ARMC8: variants seen among roughly 807,000 people sequenced by gnomAD.
ARMC8 encodes the protein armadillo repeat-containing protein 8.
A neutral mutation model predicts 99.3 loss-of-function variants in ARMC8; 20 were observed. That is an observed-to-expected ratio of 0.20 (90% CI 0.14 to 0.29). The LOEUF (loss-of-function observed/expected upper bound fraction) is 0.29. Among genes scored for constraint, ARMC8 ranks in the 10% least tolerant of loss-of-function variants. ARMC8 has a pLI of 1.00. For synonymous variants in ARMC8, 263 were observed against 278.3 expected, an observed-to-expected ratio of 0.95 and a Z score of 0.55; for missense variants, 569 against 809.5, an observed-to-expected ratio of 0.70 and a Z score of 3.60.
chr3:138,243,703 A>G (rs1019415615), intron 11 of ARMC8, among the ~76,000 whole-genome samples: 5 of 152,166 alleles, frequency 3.3e-5, no homozygotes, highest in East Asian at 1.9e-4. Flanking sequence ...CCTACGTTAT[A>G]TTACCCAACT....
intron 6 of ARMC8, among the ~76,000 whole-genome samples, chr3:138,230,592 G>A (rs2108120263): frequency 1.3e-5 from 2 of 152,248 alleles, no homozygotes; most frequent in South Asian, 4.1e-4. Flanking sequence ...GGTTGAGGCT[G>A]CAGTGAACCA....
chr3:138,246,838 C>G (rs1339175852), intron 12 of ARMC8: 2 of 958,046 alleles, frequency 2.1e-6, no homozygotes, highest in Non-Finnish European at 2.5e-6. Context: ...AACTCCTGAT[C>G]GTTTCTGTAG....
At chr3:138,189,064 T>G (rs966148405) in intron 1 of ARMC8, among the ~76,000 whole-genome samples, 4 of 152,184 alleles carry the variant, frequency 2.6e-5, no homozygotes, top group Admixed American at 2.0e-4. Context: ...CTCCTTTAAT[T>G]ATTCATTTAG....
intron 12 of ARMC8, chr3:138,245,681 T>C (rs2046847563): frequency 5.5e-5 from 55 of 992,944 alleles, no homozygotes; most frequent in Non-Finnish European, 6.4e-5. Context: ...TGTGGAATGA[T>C]GATTTTATGT....
intron 1 of ARMC8, among the ~76,000 whole-genome samples, chr3:138,204,332 T>C (rs1445015301): frequency 6.6e-6 from 1 of 152,210 alleles, no homozygotes; most frequent in Non-Finnish European, 1.5e-5. Context: ...CAGTTATTCA[T>C]GAACGTTGTT....
intron 1 of ARMC8, among the ~76,000 whole-genome samples, chr3:138,205,820 C>T (rs2044343056): frequency 6.6e-6 from 1 of 152,174 alleles, no homozygotes; most frequent in African/African-American, 2.4e-5. Context: ...TAAGTCAGAT[C>T]ATGTGTCTAT....
At chr3:138,278,713 GTCT>G (rs560583948) in intron 18 of ARMC8, among the ~76,000 whole-genome samples, 41 of 152,124 alleles carry the variant, frequency 2.7e-4, no homozygotes, top group Non-Finnish European at 5.6e-4. Context: ...AATTATTTAG[GTCT>G]TCTTTAATTC....
intron 12 of ARMC8, chr3:138,262,625 A>G: frequency 1.3e-6 from 2 of 1,544,298 alleles, no homozygotes; most frequent in Non-Finnish European, 1.7e-6. Flanking sequence ...TTAGGTGCCT[A>G]GCCCTGACCC....
At chr3:138,258,287 C>A (rs1001598204) in intron 12 of ARMC8, among the ~76,000 whole-genome samples, 1 of 152,138 alleles carries the variant, frequency 6.6e-6, no homozygotes, top group African/African-American at 2.4e-5. Flanking sequence ...AAAGTCCAAG[C>A]TAAAGTTTTT....
In ARMC8 at chr3:138,263,758, T is replaced by C. The variant is rs2047986913; in HGVS notation, c.1154T>C (p.Met385Thr). 6.2e-6 allele frequency: 10 copies of C among 1,614,020 alleles called. No homozygotes were observed. Among genetic ancestry groups the C allele is most frequent in the Non-Finnish European group, 8.5e-6 (10 of 1,179,860 alleles). Residue 385 changes from methionine (M) to threonine (T), a missense_variant, in exon 13 of 22, where the codon ATG becomes ACG. Coordinates refer to ENST00000469044, the MANE Select transcript of ARMC8 (RefSeq NM_001363941.2). ...IRKKIIETEN[M>T]MDRIVTGLSE... is the part of the protein sequence containing the mutation. ...CTCCAGATCATTGAGACTGAAAATA[T>C]GATGGACCGAATTGTGACTGGCTTG... is the stretch of plus-strand genomic sequence containing the variant.
At position 138,279,540 on chromosome 3, in the gene ARMC8, G is replaced by T. The variant is rs147228803; in HGVS notation, c.1726-4891G>T. On this transcript the variant is annotated intron_variant, in intron 18 of 21. Coordinates refer to ENST00000469044, the MANE Select transcript of ARMC8 (RefSeq NM_001363941.2). ...TGTCTTTTTCTGGTTTTGGTATTGG[G>T]ATAATGCTGGCCTTGGGGAATGAGG... is the stretch of plus-strand genomic sequence containing the variant. Among the ~76,000 whole-genome samples the T allele has an allele frequency of 9.5e-4, 145 of 152,222 alleles. 1 individual carries two copies. The highest frequency in any genetic ancestry group is 1.8e-3 in the Non-Finnish European group (121 of 68,000).
At position 138,209,917 on chromosome 3, in the gene ARMC8, CTA is replaced by C. The variant is rs767569152; in HGVS notation, c.122+26_122+27del. ...ATGTAAGTAGTATGTATTTAAGAGT[CTA>C]TCAAAAAGTTGTTTGTTTTCATGTT... On this transcript the variant is annotated intron_variant, in intron 2 of 21. Transcript: ENST00000469044. 5.1e-6 allele frequency: 8 copies of C among 1,577,074 alleles called. No individual in the cohort carries two copies. The South Asian group carries it at 9.1e-5, about 18-fold the overall frequency.
chr3:138,196,099 C>T (rs1187793353), intron 1 of ARMC8, among the ~76,000 whole-genome samples: 2 of 151,948 alleles, frequency 1.3e-5, no homozygotes, highest in African/African-American at 4.8e-5. Flanking sequence ...CTTCTTTTGC[C>T]TTAGGGGTGT....
At chr3:138,225,956 A>C (rs2045674384) in intron 5 of ARMC8, among the ~76,000 whole-genome samples, 1 of 152,156 alleles carries the variant, frequency 6.6e-6, no homozygotes, top group Non-Finnish European at 1.5e-5. Flanking sequence ...GGGTCACCTC[A>C]CACAGTAGGG....
intron 18 of ARMC8, among the ~76,000 whole-genome samples, chr3:138,279,457 G>A (rs2049652971): frequency 6.6e-6 from 1 of 152,008 alleles, no homozygotes; most frequent in African/African-American, 2.4e-5. Flanking sequence ...CTGAAATTTG[G>A]TAAGGAGTGT....
intron 1 of ARMC8, among the ~76,000 whole-genome samples, chr3:138,208,990 A>T (rs1448882440): frequency 6.6e-6 from 1 of 152,172 alleles, no homozygotes; most frequent in Non-Finnish European, 1.5e-5. Flanking sequence ...CCTTCACAGA[A>T]AGTGTGACAA....
At chr3:138,281,200 C>T (rs982707773) in intron 18 of ARMC8, among the ~76,000 whole-genome samples, 2 of 151,760 alleles carry the variant, frequency 1.3e-5, no homozygotes, top group African/African-American at 4.8e-5. Flanking sequence ...CACTAATATG[C>T]GTACATTAAT....
At chr3:138,188,557 A>T (rs772277952) in intron 1 of ARMC8, 1 of 1,613,986 alleles carries the variant, frequency 6.2e-7, no homozygotes, top group East Asian at 2.2e-5. Flanking sequence ...TTCATTTGCT[A>T]TTGTTGGAAA....
chr3:138,204,739 T>A (rs547209607), intron 1 of ARMC8, among the ~76,000 whole-genome samples: 1 of 152,284 alleles, frequency 6.6e-6, no homozygotes, highest in South Asian at 2.1e-4. Flanking sequence ...ACATCCTGGA[T>A]TTCTTCACTC....
Sources: gnomAD v4.1 joint callset for allele counts (sites outside exome capture counted in the v4.1 genomes callset) on GRCh38, gnomAD v4.1.1 for gene constraint, MANE v1.5 for transcripts, NCBI Gene and HGNC (gene_info 2026-07-23, HGNC 2026-07-21) for gene names.